CECR2: variants seen among roughly 807,000 people sequenced by gnomAD.
The protein encoded by CECR2 is CECR2 histone acetyl-lysine reader.
Under a neutral mutation model 154.5 loss-of-function variants are expected in CECR2, and 30 were observed. The observed-to-expected ratio is 0.19, with a 90% CI of 0.15 to 0.26. The LOEUF is 0.26. CECR2 is among the 10% of genes least tolerant of loss of function. The pLI is 1.00. For synonymous variants in CECR2, 725 were observed against 683.7 expected, an observed-to-expected ratio of 1.06 and a Z score of -0.94; for missense variants, 1,743 against 1,829.3, an observed-to-expected ratio of 0.95 and a Z score of 0.86.
At chr22:17,540,045 C>A (rs2056497563) in intron 13 of CECR2, among the ~76,000 whole-genome samples, 3 of 152,112 alleles carry the variant, frequency 2.0e-5, no homozygotes, top group Admixed American at 6.5e-5. Context: ...TTGCCCAGTC[C>A]AGTCTTGGAA....
At chr22:17,499,756 T>G (rs1385463754) in intron 4 of CECR2, among the ~76,000 whole-genome samples, 1 of 152,212 alleles carries the variant, frequency 6.6e-6, no homozygotes, top group Non-Finnish European at 1.5e-5. Flanking sequence ...ACTTTTTTAA[T>G]CTGAAGTTCT....
chr22:17,475,502 C>T (rs960967880), intron 1 of CECR2, among the ~76,000 whole-genome samples: 1 of 152,138 alleles, frequency 6.6e-6, no homozygotes, highest in African/African-American at 2.4e-5. Flanking sequence ...CTGTGTGGCC[C>T]AGGCTGGTCT....
intron 7 of CECR2, among the ~76,000 whole-genome samples, chr22:17,508,101 A>G (rs1313775770): frequency 6.6e-6 from 1 of 152,228 alleles, no homozygotes; most frequent in African/African-American, 2.4e-5. Flanking sequence ...TAATGCCCCA[A>G]GTAACCATGT....
intron 17 of CECR2, among the ~76,000 whole-genome samples, chr22:17,551,101 T>G (rs73159575): frequency 0.022 from 3,315 of 152,322 alleles, 49 homozygotes; most frequent in African/African-American, 0.045. Flanking sequence ...ATACCTGTTT[T>G]CTTTGCTTTG....
At chr22:17,404,663 G>A (rs1235108493) in intron 1 of CECR2, among the ~76,000 whole-genome samples, 3 of 151,692 alleles carry the variant, frequency 2.0e-5, no homozygotes, top group Non-Finnish European at 2.9e-5. Flanking sequence ...GTGAACCACC[G>A]CGCCTGGCCC....
chr22:17,397,817 G>A (rs1321266010), intron 1 of CECR2, among the ~76,000 whole-genome samples: 1 of 152,174 alleles, frequency 6.6e-6, no homozygotes, highest in Admixed American at 6.5e-5. Flanking sequence ...AATTTCTGTG[G>A]TGTTTTAAAA....
intron 2 of CECR2, among the ~76,000 whole-genome samples, chr22:17,484,542 C>T (rs2055386617): frequency 6.6e-6 from 1 of 151,882 alleles, no homozygotes; most frequent in East Asian, 1.9e-4. Flanking sequence ...TTTTTTTCCC[C>T]ACCATTAAAA....
intron 1 of CECR2, among the ~76,000 whole-genome samples, chr22:17,378,914 A>G (rs138936749): frequency 1.3e-5 from 2 of 152,166 alleles, no homozygotes; most frequent in African/African-American, 2.4e-5. Context: ...GTCATCAGCA[A>G]TTGTACATGT....
At chr22:17,540,995 GCTGGT>G (rs2056515010) in intron 14 of CECR2, among the ~76,000 whole-genome samples, 195 bp downstream of exon 14, 1 of 152,100 alleles carries the variant, frequency 6.6e-6, no homozygotes, top group Admixed American at 6.5e-5. Context: ...TGTTGCCTAG[GCTGGT>G]CTCAAACTCT....
chr22:17,428,798 T>TTTTGTGTGTGTGTGTGTG (rs367634017), intron 1 of CECR2, among the ~76,000 whole-genome samples: 56 of 136,420 alleles, frequency 4.1e-4, no homozygotes, highest in African/African-American at 1.6e-3. Flanking sequence ...ATGTTTTTAT[T>TTTTGTGTGTGTGTGTGTG]TGTGTGTGTG....
chr22:17,500,651 A>C lies in CECR2; in HGVS notation c.566A>C (p.Asn189Thr). 6.4e-7 allele frequency: 1 copy of C among 1,553,752 alleles called. No homozygotes were observed. The highest frequency in any genetic ancestry group is 2.0e-5 in the Admixed American group (1 of 51,072). The change falls in exon 5 of 19, where the codon AAT becomes ACT. Residue 189 changes from asparagine (N) to threonine (T), a missense_variant. Coordinates refer to ENST00000262608, the MANE Select transcript of CECR2 (RefSeq NM_001290047.2). ...ATTAGGGAAAGTGAAGGACAAAAAA[A>C]TGTCTCAAGTATTCCTGGAAAAACG... The part of the protein sequence containing the change: ...SLSRESEGQK[N>T]VSSIPGKTGK...
intron 16 of CECR2, among the ~76,000 whole-genome samples, chr22:17,544,490 TC>T (rs1226862671): frequency 2.2e-5 from 2 of 92,656 alleles, no homozygotes; most frequent in Non-Finnish European, 4.0e-5. Flanking sequence ...AGAGCGAGAC[TC>T]CATCTCAAAA....
chr22:17,375,080 G>A (rs1432813957), intron 1 of CECR2, among the ~76,000 whole-genome samples: 5 of 151,882 alleles, frequency 3.3e-5, no homozygotes, highest in African/African-American at 1.2e-4. Flanking sequence ...AAGTGCAAAG[G>A]GACAAATTCA....
At position 17,549,226 on chromosome 22, in the gene CECR2, A is replaced by T. The variant is rs745372875; in HGVS notation, c.3939A>T (p.Ser1313=). The T allele has an allele frequency of 1.6e-5, 26 of 1,614,064 alleles. No homozygotes were observed. The South Asian group carries it at 2.7e-4, about 17-fold the overall frequency. The change falls in exon 17 of 19, where the codon TCA becomes TCT. Residue 1313 remains serine (S), a synonymous_variant. Coordinates refer to ENST00000262608, the MANE Select transcript of CECR2 (RefSeq NM_001290047.2). ...CTACCAAGCGGCAGAGCTCGTTGTC[A>T]GCCAGCGAGTATCTCTATGGAACTC... ...NAATKRQSSL[S]ASEYLYGTPP... is the part of the protein sequence containing the mutation.
At chr22:17,530,452 T>TCA (rs1473024183) in intron 9 of CECR2, among the ~76,000 whole-genome samples, 1 of 151,780 alleles carries the variant, frequency 6.6e-6, no homozygotes, top group East Asian at 1.9e-4. Flanking sequence ...GGCAGGCAGA[T>TCA]CACGAGGTCA....
intron 8 of CECR2, among the ~76,000 whole-genome samples, chr22:17,522,604 G>A (rs1449042863): frequency 6.6e-6 from 1 of 152,150 alleles, no homozygotes; most frequent in African/African-American, 2.4e-5. Flanking sequence ...CAGTGTTAAC[G>A]TATGCAGTTT....
chr22:17,368,331 T>C (rs1270249395), upstream of CECR2, among the ~76,000 whole-genome samples: 1 of 152,138 alleles, frequency 6.6e-6, no homozygotes, highest in African/African-American at 2.4e-5. Context: ...AATAAATAGT[T>C]GATTAATTTG....
chr22:17,406,147 G>A (rs538136189), intron 1 of CECR2, among the ~76,000 whole-genome samples: 4 of 152,334 alleles, frequency 2.6e-5, no homozygotes, highest in African/African-American at 9.6e-5. Flanking sequence ...TGTATGACTT[G>A]CATCCTTTTA....
rs1209598318 is a variant in CECR2, at chr22:17,404,364, C to CTTTTTTTTTTTTTTTTTTTTTTT, written c.126+34458_126+34459insTTTTTTTTTTTTTTTTTTTTTTT. Reference sequence around the variant, plus strand: ...TGTGGGTTCATTTCTGGACCCTGTTCTTTCTTTTTTTTTTTTTTTTTTTTT... The same window carrying CTTTTTTTTTTTTTTTTTTTTTTT: ...TGTGGGTTCATTTCTGGACCCTGTTCTTTTTTTTTTTTTTTTTTTTTTTTTTCTTTTTTTTTTTTTTTTTTTTT... On this transcript the variant is annotated intron_variant, in intron 1 of 18. Transcript: ENST00000262608. Among the ~76,000 whole-genome samples the CTTTTTTTTTTTTTTTTTTTTTTT allele has an allele frequency of 5.2e-4, 31 of 59,624 alleles. 9 individuals are homozygous for CTTTTTTTTTTTTTTTTTTTTTTT. Among genetic ancestry groups the CTTTTTTTTTTTTTTTTTTTTTTT allele is most frequent in the Non-Finnish European group, 8.0e-4 (25 of 31,428 alleles). The allele number at this position is 59,624 out of a possible 152,430, so 39.1% of individuals were successfully genotyped here. A position where few individuals can be genotyped will look rare whatever the true frequency, so the allele number is the denominator to read the frequency against.
Sources: gnomAD v4.1 joint callset for allele counts (sites outside exome capture counted in the v4.1 genomes callset) on GRCh38, gnomAD v4.1.1 for gene constraint, MANE v1.5 for transcripts, NCBI Gene and HGNC (gene_info 2026-07-23, HGNC 2026-07-21) for gene names.